SPRED2: variants seen among roughly 807,000 people sequenced by gnomAD.
SPRED2 encodes the protein sprouty related EVH1 domain containing 2.
A neutral mutation model predicts 43.0 loss-of-function variants in SPRED2; 47 were observed. The ratio of observed to expected loss-of-function variants is 1.09; its 90% CI spans 0.87 to 1.40. The LOEUF is 1.40. Ranked by LOEUF, SPRED2 falls within the 40% of genes most tolerant of loss-of-function variation. The pLI is 0.00. For synonymous variants in SPRED2, 225 were observed against 225.7 expected (o/e 1.00, Z 0.03); for missense variants, 561 against 586.4 (o/e 0.96, Z 0.45).
intron 1 of SPRED2, among the ~76,000 whole-genome samples, chr2:65,402,870 A>G (rs1318200158): frequency 6.6e-6 from 1 of 152,224 alleles, no homozygotes; most frequent in African/African-American, 2.4e-5. Context: ...ATGTTGCAAG[A>G]CTACAGAAGA....
intron 1 of SPRED2, among the ~76,000 whole-genome samples, chr2:65,396,459 C>T (rs1175008112): frequency 6.6e-6 from 1 of 152,190 alleles, no homozygotes; most frequent in Non-Finnish European, 1.5e-5. Context: ...TGGACAGGCC[C>T]CACGTCTGAT....
At chr2:65,430,866 C>CAAA (rs35723262) in intron 1 of SPRED2, among the ~76,000 whole-genome samples, 1 of 146,452 alleles carries the variant, frequency 6.8e-6, no homozygotes, top group African/African-American at 2.5e-5. Flanking sequence ...GTCTTATTCA[C>CAAA]AAAAAAAAAA....
intron 1 of SPRED2, among the ~76,000 whole-genome samples, chr2:65,418,878 T>A (rs568935717): frequency 8.9e-4 from 136 of 152,132 alleles, no homozygotes; most frequent in African/African-American, 2.7e-3. Context: ...CATTTTTTTT[T>A]ATTTAAAACA....
At chr2:65,409,638 AT>A (rs1428708758) in intron 1 of SPRED2, among the ~76,000 whole-genome samples, 2 of 140,096 alleles carry the variant, frequency 1.4e-5, no homozygotes, top group Non-Finnish European at 3.0e-5. Flanking sequence ...AGTAACAAGA[AT>A]TTTGTTTCCT....
chr2:65,321,460 T>A (rs1673406747), intron 4 of SPRED2, among the ~76,000 whole-genome samples: 1 of 131,436 alleles, frequency 7.6e-6, no homozygotes, highest in Non-Finnish European at 1.5e-5. Context: ...TCGCTTGAAG[T>A]CAAGAGTTCG....
intron 1 of SPRED2, among the ~76,000 whole-genome samples, chr2:65,420,395 G>C (rs1676396796): frequency 6.6e-6 from 1 of 152,160 alleles, no homozygotes; most frequent in South Asian, 2.1e-4. Context: ...ACTTGTTTCA[G>C]TCCTCTAGTT....
intron 1 of SPRED2, among the ~76,000 whole-genome samples, chr2:65,381,313 G>C (rs1675369057): frequency 6.6e-6 from 1 of 152,210 alleles, no homozygotes; most frequent in Non-Finnish European, 1.5e-5. Flanking sequence ...GAATGGAACG[G>C]TAACATACAT....
intron 1 of SPRED2, among the ~76,000 whole-genome samples, chr2:65,359,998 G>A (rs1313908715): frequency 2.1e-5 from 3 of 144,780 alleles, no homozygotes; most frequent in Non-Finnish European, 4.5e-5. Flanking sequence ...CCCGGAGGCG[G>A]AGGTTGCAGT....
intron 1 of SPRED2, among the ~76,000 whole-genome samples, chr2:65,399,139 G>A (rs1004208070): frequency 2.0e-5 from 3 of 151,604 alleles, no homozygotes; most frequent in Non-Finnish European, 4.4e-5. Flanking sequence ...GTGTGGTGGC[G>A]GGCGCCTGTA....
chr2:65,381,509 T>C (rs1675373291), intron 1 of SPRED2, among the ~76,000 whole-genome samples: 1 of 152,230 alleles, frequency 6.6e-6, no homozygotes, highest in Non-Finnish European at 1.5e-5. Context: ...TGGGGCATCT[T>C]GGGGTTTGTT....
intron 1 of SPRED2, among the ~76,000 whole-genome samples, chr2:65,387,875 C>T (rs955104982): frequency 6.6e-6 from 1 of 151,620 alleles, no homozygotes; most frequent in African/African-American, 2.4e-5. Flanking sequence ...TCACTGCATT[C>T]TCCGCCTCCC....
chr2:65,349,448 T>C (rs1674446679), intron 1 of SPRED2, among the ~76,000 whole-genome samples: 1 of 152,136 alleles, frequency 6.6e-6, no homozygotes, highest in African/African-American at 2.4e-5. Context: ...CTAAGGGTCC[T>C]ACGACTTTTA....
intron 1 of SPRED2, among the ~76,000 whole-genome samples, chr2:65,409,080 A>G (rs574956258): frequency 6.6e-6 from 1 of 152,320 alleles, no homozygotes; most frequent in East Asian, 1.9e-4. Flanking sequence ...CAGCCCAGAA[A>G]AGGAAGTATT....
intron 1 of SPRED2, among the ~76,000 whole-genome samples, chr2:65,370,320 G>A (rs532669319): frequency 2.9e-5 from 3 of 105,080 alleles, no homozygotes; most frequent in Admixed American, 1.0e-4. Flanking sequence ...ATCAATTTAT[G>A]TGAACAACGA....
At chr2:65,394,445 C>T (rs1259366360) in intron 1 of SPRED2, among the ~76,000 whole-genome samples, 1 of 152,164 alleles carries the variant, frequency 6.6e-6, no homozygotes, top group African/African-American at 2.4e-5. Context: ...TTAAAAGCAG[C>T]CTCAATGAAC....
intron 1 of SPRED2, among the ~76,000 whole-genome samples, chr2:65,378,640 T>C (rs1278629148): frequency 6.6e-6 from 1 of 152,202 alleles, no homozygotes; most frequent in East Asian, 1.9e-4. Flanking sequence ...GGTGACATTG[T>C]GTCCTGTGTG....
intron 4 of SPRED2, among the ~76,000 whole-genome samples, chr2:65,319,187 C>T (rs910480655): frequency 2.6e-5 from 4 of 152,158 alleles, no homozygotes; most frequent in African/African-American, 9.7e-5. Context: ...GAGACCCAAC[C>T]CTCCTGGATG....
At chr2:65,322,296 T>A (rs554598611) in intron 4 of SPRED2, among the ~76,000 whole-genome samples, 1,337 of 106,074 alleles carry the variant, frequency 0.013, 45 homozygotes, top group African/African-American at 0.039. Context: ...ATATATATAT[T>A]TTTTTTTTTT....
At chr2:65,370,307 C>T (rs1416295284) in intron 1 of SPRED2, among the ~76,000 whole-genome samples, 3 of 141,886 alleles carry the variant, frequency 2.1e-5, no homozygotes, top group East Asian at 2.2e-4. Context: ...ATACAGAACA[C>T]TCATCAATTT....
Sources: gnomAD v4.1 joint callset for allele counts (sites outside exome capture counted in the v4.1 genomes callset) on GRCh38, gnomAD v4.1.1 for gene constraint, MANE v1.5 for transcripts, NCBI Gene and HGNC (gene_info 2026-07-23, HGNC 2026-07-21) for gene names.